The following CEP112 variants were observed in gnomAD, a reference collection of about 807,000 sequenced individuals.
CEP112 encodes centrosomal protein of 112 kDa.
In CEP112, 127 loss-of-function variants were observed where a neutral mutation model predicts 153.0. That is an observed-to-expected ratio of 0.83 (90% CI 0.72 to 0.96). The LOEUF (loss-of-function observed/expected upper bound fraction) is 0.96, where lower values mean the gene tolerates loss of function less well. Among genes scored for constraint, CEP112 ranks in the 40% least tolerant of loss-of-function variants. The pLI, the probability that CEP112 is intolerant of heterozygous loss-of-function variation, is 0.00. For missense variants in CEP112, 1,089 were observed against 1,101.2 expected (o/e 0.99, Z 0.16); for synonymous variants, 358 against 374.4 (o/e 0.96, Z 0.51).
chr17:65,687,160 A>ATTTTTT (rs35675811), intron 24 of CEP112, among the ~76,000 whole-genome samples: 26 of 90,150 alleles, frequency 2.9e-4, no homozygotes, highest in Non-Finnish European at 3.9e-4. Flanking sequence ...GTTATTATTA[A>ATTTTTT]TTTTTTTTTT....
chr17:66,140,029 C>T lies in CEP112; in HGVS notation c.471-7266G>A, dbSNP rs528200879. Among the ~76,000 whole-genome samples, 4 of 152,256 alleles carry T rather than the reference C, an allele frequency of 2.6e-5. No homozygotes were observed. The East Asian group carries it at 5.8e-4, about 22-fold the overall frequency. On this transcript the variant is annotated intron_variant, in intron 4 of 26. Coordinates refer to ENST00000535342, the MANE Select transcript of CEP112 (RefSeq NM_001199165.4). ...ATAACATAGATGCAAAAATCCTCAA[C>T]AAAATACTAGCAAACTGAATTCCAT... is the stretch of plus-strand genomic sequence containing the variant.
chr17:65,737,570 C>T (rs145528007), intron 23 of CEP112, among the ~76,000 whole-genome samples: 20 of 152,230 alleles, frequency 1.3e-4, no homozygotes, highest in African/African-American at 4.3e-4. Context: ...TAGAAGATGC[C>T]GCTTCCATGT....
At chr17:66,077,889 T>C (rs2067562496) in intron 8 of CEP112, among the ~76,000 whole-genome samples, 1 of 152,242 alleles carries the variant, frequency 6.6e-6, no homozygotes, top group South Asian at 2.1e-4. Context: ...TTTAGTTTAA[T>C]TAAGTCCCAA....
chr17:66,076,398 C>T (rs1417896419), intron 8 of CEP112, among the ~76,000 whole-genome samples: 1 of 152,132 alleles, frequency 6.6e-6, no homozygotes, highest in Non-Finnish European at 1.5e-5. Flanking sequence ...GCCCTGAAGA[C>T]TGTGTGGGAG....
intron 21 of CEP112, among the ~76,000 whole-genome samples, chr17:65,790,885 G>T (rs2054553275): frequency 6.6e-6 from 1 of 152,142 alleles, no homozygotes. Context: ...CAGAATCACT[G>T]CTAAACCTTC....
Position 65,902,275 on chromosome 17 carries a change from G to A in CEP112, c.2040C>T (p.Asn680=), listed in dbSNP as rs140758713. The A allele has an allele frequency of 2.1e-4, 333 of 1,613,818 alleles. No homozygotes were observed. The highest frequency in any genetic ancestry group is 2.7e-4 in the Non-Finnish European group (318 of 1,179,946). The part of the protein sequence containing the change: ...QEKTHLLQQH[N]AEKDSLVRDH... Reference sequence around the variant, plus strand: ...CTCGGACTAGGCTATCCTTCTCTGCGTTATGCTGCTGTAATAGGTGCGTCT... The same window carrying A: ...CTCGGACTAGGCTATCCTTCTCTGCATTATGCTGCTGTAATAGGTGCGTCT... The change falls in exon 20 of 27, where the codon AAC becomes AAT. Residue 680 remains asparagine (N), a synonymous_variant. Transcript: ENST00000535342.
In CEP112 at chr17:66,119,033, T is replaced by C. The variant is rs1353495308; in HGVS notation, c.642+10713A>G. Among the ~76,000 whole-genome samples, 5 of 152,266 alleles carry C rather than the reference T, an allele frequency of 3.3e-5. 1 individual carries two copies. The South Asian group carries it at 1.0e-3, about 32-fold the overall frequency. ...GCAGCCATAAAAAGAAAAAAGATTA[T>C]GTCTTTGCAGGGACATGGATGAAGC... On this transcript the variant is annotated intron_variant, in intron 6 of 26. Coordinates refer to ENST00000535342, the MANE Select transcript of CEP112 (RefSeq NM_001199165.4).
chr17:66,078,315 G>A (rs922649706), intron 8 of CEP112, among the ~76,000 whole-genome samples: 2 of 145,600 alleles, frequency 1.4e-5, no homozygotes, highest in African/African-American at 5.2e-5. Flanking sequence ...CTGAAGTGCA[G>A]TGACACGATC....
chr17:65,908,521 C>T (rs2060166569), intron 19 of CEP112, among the ~76,000 whole-genome samples: 1 of 152,012 alleles, frequency 6.6e-6, no homozygotes, highest in Non-Finnish European at 1.5e-5. Context: ...CAAGGAGAAA[C>T]CCATCTCTAC....
intron 24 of CEP112, among the ~76,000 whole-genome samples, chr17:65,641,703 G>T (rs979545309): frequency 2.8e-4 from 42 of 152,250 alleles, no homozygotes; most frequent in Admixed American, 2.5e-3. Flanking sequence ...CCAAGATCGG[G>T]CCACTGCACT....
intron 20 of CEP112, among the ~76,000 whole-genome samples, chr17:65,891,015 A>T (rs1261423487): frequency 1.3e-5 from 2 of 152,152 alleles, no homozygotes; most frequent in East Asian, 3.9e-4. Flanking sequence ...CAGATGCACA[A>T]TGCCTGTTTC....
At chr17:65,969,837 C>A (rs1568311093) in intron 17 of CEP112, among the ~76,000 whole-genome samples, 1 of 54,988 alleles carries the variant, frequency 1.8e-5, no homozygotes, top group Non-Finnish European at 4.2e-5. Flanking sequence ...ACAAGCATAT[C>A]ATCTATATAT....
chr17:66,063,015 T>C lies in CEP112; in HGVS notation c.1022A>G (p.Lys341Arg). 6.2e-7 allele frequency: 1 copy of C among 1,602,588 alleles called. No individual in the cohort carries two copies. Among genetic ancestry groups the C allele is most frequent in the Non-Finnish European group, 8.5e-7 (1 of 1,175,010 alleles). Residue 341 changes from lysine (K) to arginine (R), a missense_variant, in exon 11 of 27, where the codon AAA (lysine) becomes AGA (arginine). By Grantham distance (26) the Lys-to-Arg change is conservative. Transcript: ENST00000535342. Reference sequence around the variant, plus strand: ...TTCCGTACTTTGTTCACATATCTTTTTCAGCTCTGCAATCTGGTCTTCTTT... The same window carrying C: ...TTCCGTACTTTGTTCACATATCTTTCTCAGCTCTGCAATCTGGTCTTCTTT... ...ETKEDQIAEL[K>R]KICEQSTESL...
intron 23 of CEP112, among the ~76,000 whole-genome samples, chr17:65,728,196 T>G (rs908662056): frequency 6.6e-6 from 1 of 152,196 alleles, no homozygotes; most frequent in Non-Finnish European, 1.5e-5. Flanking sequence ...CAATGCCTGT[T>G]TTAGAAGGAA....
At position 66,183,323 on chromosome 17, in the gene CEP112, A is replaced by T. The variant is rs1381945584; in HGVS notation, c.-8-16T>A. ...ATAATCCAATCTGTAAAAGATTTTA[A>T]ATCAAAATATTAAGGATTTGTATGC... On this transcript the variant is annotated splice_polypyrimidine_tract_variant and intron_variant, in intron 1 of 26. Transcript: ENST00000535342. 2 of 1,521,818 alleles carry T rather than the reference A, an allele frequency of 1.3e-6. No homozygotes were observed. Among genetic ancestry groups the T allele is most frequent in the Non-Finnish European group, 1.8e-6 (2 of 1,106,690 alleles). The allele number at this position is 1,521,818 out of a possible 1,614,324, so 94.3% of individuals were successfully genotyped here. A position where few individuals can be genotyped will look rare whatever the true frequency, so the allele number is the denominator to read the frequency against.
At chr17:65,821,536 A>AAT (rs2056572265) in intron 21 of CEP112, among the ~76,000 whole-genome samples, 2 of 36,076 alleles carry the variant, frequency 5.5e-5, no homozygotes, top group Non-Finnish European at 9.7e-5. Context: ...ATATATATAT[A>AAT]TATATTTTTT....
chr17:66,015,117 T>C (rs1373772137), intron 16 of CEP112, among the ~76,000 whole-genome samples: 1 of 152,186 alleles, frequency 6.6e-6, no homozygotes, highest in Non-Finnish European at 1.5e-5. Flanking sequence ...CCTCTAATAT[T>C]TAGCAAGTTA....
At chr17:65,971,566 T>C (rs1012667670) in intron 17 of CEP112, among the ~76,000 whole-genome samples, 7 of 152,324 alleles carry the variant, frequency 4.6e-5, no homozygotes, top group South Asian at 2.1e-4. Flanking sequence ...ATGTGTGTTG[T>C]ATGTATATGG....
At chr17:66,041,267 T>C (rs187010938) in intron 12 of CEP112, among the ~76,000 whole-genome samples, 1 of 152,226 alleles carries the variant, frequency 6.6e-6, no homozygotes, top group Non-Finnish European at 1.5e-5. Flanking sequence ...TGTAGGAAAT[T>C]AAAATTTTTG....
Sources: allele counts gnomAD v4.1 joint callset (sites outside exome capture counted in the v4.1 genomes callset), GRCh38; gene constraint gnomAD v4.1.1; transcripts MANE v1.5; gene names NCBI Gene and HGNC (gene_info 2026-07-23, HGNC 2026-07-21).